APBA2: variants seen among roughly 807,000 people sequenced by gnomAD.
APBA2 encodes the protein amyloid beta precursor protein binding family A member 2, also known as amyloid-beta A4 precursor protein-binding family A member 2.
In APBA2, 30 loss-of-function variants were observed where a neutral mutation model predicts 75.0. The ratio of observed to expected loss-of-function variants is 0.40; its 90% CI spans 0.30 to 0.54. APBA2 has a LOEUF of 0.54. Ranked by LOEUF, APBA2 falls within the 20% of genes least tolerant of loss-of-function variation. The pLI is 0.49. For synonymous variants in APBA2, 444 were observed against 409.6 expected (o/e 1.08, Z -1.01); for missense variants, 801 against 1,016.1 (o/e 0.79, Z 2.88).
chr15:28,992,900 C>G (rs1035543891), intron 2 of APBA2, among the ~76,000 whole-genome samples: 6 of 152,188 alleles, frequency 3.9e-5, no homozygotes, highest in South Asian at 2.1e-4. Context: ...AATTTACGGC[C>G]TGAAGATTGA....
chr15:29,030,386 CG>C, intron 3 of APBA2, among the ~76,000 whole-genome samples: 1 of 152,058 alleles, frequency 6.6e-6, no homozygotes, highest in Non-Finnish European at 1.5e-5. Flanking sequence ...GGCGTGAACC[CG>C]GGAGGCGGAG....
At chr15:28,905,354 G>C (rs1192699222) in intron 1 of APBA2, among the ~76,000 whole-genome samples, 6 of 152,186 alleles carry the variant, frequency 3.9e-5, no homozygotes, top group Non-Finnish European at 7.3e-5. Flanking sequence ...GCAAGCTTTC[G>C]GAAGAACGGA....
At chr15:29,038,977 A>G (rs2040886434) in intron 3 of APBA2, among the ~76,000 whole-genome samples, 1 of 152,054 alleles carries the variant, frequency 6.6e-6, no homozygotes, top group Non-Finnish European at 1.5e-5. Flanking sequence ...TGGCGCATGC[A>G]TTTTTTAGAA....
intron 3 of APBA2, among the ~76,000 whole-genome samples, chr15:29,030,726 AGTATGTGTGTGTGT>A (rs2040445697): frequency 8.1e-6 from 1 of 123,782 alleles, no homozygotes. Flanking sequence ...AACCCATGTG[AGTATGTGTGTGTGT>A]GTGTGTGTGT....
At chr15:28,969,843 C>G (rs2036970085) in intron 2 of APBA2, among the ~76,000 whole-genome samples, 1 of 152,234 alleles carries the variant, frequency 6.6e-6, no homozygotes, top group Non-Finnish European at 1.5e-5. Flanking sequence ...CACTTAGGTG[C>G]CGAAGCCAGA....
chr15:29,076,287 C>T (rs1422243388), intron 6 of APBA2, among the ~76,000 whole-genome samples, 196 bp downstream of exon 6: 4 of 152,156 alleles, frequency 2.6e-5, no homozygotes, highest in South Asian at 2.1e-4. Context: ...CTGATCTGCC[C>T]GCTTTGATGC....
chr15:29,107,763 C>T (rs2044504562), intron 12 of APBA2, among the ~76,000 whole-genome samples: 1 of 152,186 alleles, frequency 6.6e-6, no homozygotes, highest in African/African-American at 2.4e-5. Flanking sequence ...CGGCCTGGCG[C>T]ACCCGCTGAC....
At chr15:28,980,921 A>G (rs1472008435) in intron 2 of APBA2, among the ~76,000 whole-genome samples, 1 of 152,228 alleles carries the variant, frequency 6.6e-6, no homozygotes, top group Non-Finnish European at 1.5e-5. Flanking sequence ...AAAGCTGCCA[A>G]AAATAAGCCA....
chr15:29,084,165 T>A (rs970775797), intron 6 of APBA2, among the ~76,000 whole-genome samples: 1 of 152,230 alleles, frequency 6.6e-6, no homozygotes, highest in African/African-American at 2.4e-5. Context: ...TCTTATTTTT[T>A]AAAAATAGAT....
chr15:29,115,385 G>A (rs1007059090), intron 14 of APBA2, among the ~76,000 whole-genome samples: 1 of 152,108 alleles, frequency 6.6e-6, no homozygotes, highest in African/African-American at 2.4e-5. Context: ...CTGGACTGGT[G>A]GGGGCAGGGG....
intron 2 of APBA2, among the ~76,000 whole-genome samples, chr15:28,955,431 C>G (rs1196000033): frequency 6.6e-6 from 1 of 152,162 alleles, no homozygotes; most frequent in African/African-American, 2.4e-5. Flanking sequence ...TACTGGAACC[C>G]TGTCCTCTGA....
intron 2 of APBA2, among the ~76,000 whole-genome samples, chr15:28,964,137 T>C (rs960734532): frequency 6.6e-6 from 1 of 152,236 alleles, no homozygotes; most frequent in Non-Finnish European, 1.5e-5. Context: ...CTTACAAGTT[T>C]CTATGTGAAA....
At chr15:28,886,429 G>A (rs1477926699) in intron 1 of APBA2, among the ~76,000 whole-genome samples, 151 bp downstream of exon 1, 1 of 151,328 alleles carries the variant, frequency 6.6e-6, no homozygotes, top group Admixed American at 6.6e-5. Flanking sequence ...GCGTGGCTGC[G>A]GGGCGGCCGC....
chr15:29,004,967 A>G (rs933207177), intron 3 of APBA2, among the ~76,000 whole-genome samples: 3 of 152,190 alleles, frequency 2.0e-5, no homozygotes, highest in Non-Finnish European at 4.4e-5. Flanking sequence ...GGCGTGAGCC[A>G]TCACGCCCGG....
chr15:29,096,575 A>G lies in APBA2; in HGVS notation c.1252-1915A>G, dbSNP rs537207336. On this transcript the variant is annotated intron_variant, in intron 8 of 14. Coordinates refer to ENST00000683413, the MANE Select transcript of APBA2 (RefSeq NM_001353788.2). ...TCCGCGGCTGCGGATTGTCAGCTGC[A>G]CTGCTTTCAACTCCTTTCTCTTTCT... 3.3e-5 allele frequency among the ~76,000 whole-genome samples: 5 copies of G among 152,384 alleles called. No individual in the cohort carries two copies. In the South Asian group the frequency reaches 1.0e-3, roughly 32 times the overall value.
chr15:28,993,324 G>A (rs1485843657), intron 2 of APBA2, among the ~76,000 whole-genome samples: 1 of 152,262 alleles, frequency 6.6e-6, no homozygotes, highest in Non-Finnish European at 1.5e-5. Context: ...GCCCTGGAGA[G>A]GGCAAGGACA....
In APBA2 at chr15:28,998,407, G is replaced by A. The variant is rs192782272; in HGVS notation, c.-41+2601G>A. On this transcript the variant is annotated intron_variant, in intron 3 of 14. Coordinates refer to ENST00000683413, the MANE Select transcript of APBA2 (RefSeq NM_001353788.2). ...ATTAAGTTAGAAGACATCACGTCCTGAAAATGACGGGCTGATGTGATACTA... is the reference window on the plus strand; with the variant it reads ...ATTAAGTTAGAAGACATCACGTCCTAAAAATGACGGGCTGATGTGATACTA... Among the ~76,000 whole-genome samples, 6 of 152,242 alleles carry A rather than the reference G, an allele frequency of 3.9e-5. No homozygotes were observed. The East Asian group carries it at 1.2e-3, about 29-fold the overall frequency.
chr15:28,968,371 T>C (rs924268502), intron 2 of APBA2, among the ~76,000 whole-genome samples: 1 of 152,246 alleles, frequency 6.6e-6, no homozygotes, highest in African/African-American at 2.4e-5. Flanking sequence ...TGCTATACTA[T>C]CTGTCCCTGT....
At chr15:29,044,820 A>G (rs1301768724) in intron 3 of APBA2, among the ~76,000 whole-genome samples, 5 of 152,180 alleles carry the variant, frequency 3.3e-5, no homozygotes, top group Non-Finnish European at 7.3e-5. Context: ...TCAGGCTGCT[A>G]TATCAAAAAA....
Sources: gnomAD v4.1 joint callset for allele counts (sites outside exome capture counted in the v4.1 genomes callset) on GRCh38, gnomAD v4.1.1 for gene constraint, MANE v1.5 for transcripts, NCBI Gene and HGNC (gene_info 2026-07-23, HGNC 2026-07-21) for gene names.